Variants in CSMD1 observed in about 807,000 individuals in gnomAD.
CSMD1 encodes the protein CUB and sushi domain-containing protein 1.
Under a neutral mutation model 417.5 loss-of-function variants are expected in CSMD1, and 213 were observed. The observed-to-expected ratio is 0.51, with a 90% confidence interval of 0.46 to 0.57. The LOEUF (loss-of-function observed/expected upper bound fraction) is 0.57, where lower values mean the gene tolerates loss of function less well. Ranked by LOEUF, CSMD1 falls within the 20% of genes least tolerant of loss-of-function variation. The pLI is 0.00. For synonymous variants in CSMD1, 2,862 were observed against 1,736.8 expected, an observed-to-expected ratio of 1.65 and a Z score of -16.11; for missense variants, 6,923 against 4,529.7, an observed-to-expected ratio of 1.53 and a Z score of -15.17.
At position 3,199,768 on chromosome 8, in the gene CSMD1, G is replaced by A. The variant is rs1181602554; in HGVS notation, c.5140C>T (p.Arg1714Ter). ...PLATSNQILLRFSAKSGASAR... is the reference protein window; with the variant it reads ...PLATSNQILL The stretch of plus-strand genomic sequence containing the variant: ...GAGGCACCGCTCTTTGCACTGAATC[G>A]GAGCAGAATTTGATTTGACGTAGCC... The change falls in exon 33 of 70, where the codon CGA (arginine) becomes TGA (stop). Residue 1714 changes from arginine (R) to a stop codon, truncating the protein, a stop_gained. Coordinates refer to ENST00000635120, the MANE Select transcript of CSMD1 (RefSeq NM_033225.6). LOFTEE classifies it high-confidence loss of function. 4 of 1,586,292 alleles carry A rather than the reference G, an allele frequency of 2.5e-6. No individual in the cohort carries two copies. The highest frequency in any genetic ancestry group is 3.4e-6 in the Non-Finnish European group (4 of 1,165,796).
chr8:3,291,949 C>T (rs1208323636), intron 25 of CSMD1, among the ~76,000 whole-genome samples: 1 of 151,818 alleles, frequency 6.6e-6, no homozygotes, highest in African/African-American at 2.4e-5. Flanking sequence ...TTCCTGCTTT[C>T]TCTTGTGGGC....
chr8:4,716,747 CTG>C (rs1311687432), intron 1 of CSMD1, among the ~76,000 whole-genome samples: 1 of 152,218 alleles, frequency 6.6e-6, no homozygotes, highest in African/African-American at 2.4e-5. Flanking sequence ...TAACTAAAAA[CTG>C]AGGTCTAAAT....
intron 25 of CSMD1, among the ~76,000 whole-genome samples, chr8:3,301,007 A>C (rs1233647362): frequency 6.6e-5 from 10 of 151,544 alleles, no homozygotes; most frequent in Admixed American, 1.3e-4. Context: ...GAAATGGTAT[A>C]AACAAGCAAC....
chr8:3,159,266 G>A (rs975401330), intron 38 of CSMD1, among the ~76,000 whole-genome samples: 8 of 152,084 alleles, frequency 5.3e-5, no homozygotes, highest in African/African-American at 1.4e-4. Flanking sequence ...TGTTATAAAC[G>A]TTTCCGATGA....
Position 3,409,509 on chromosome 8 carries a change from C to T in CSMD1, c.1658G>A (p.Cys553Tyr). The stretch of plus-strand genomic sequence containing the variant: ...CCCCACCAGCTCAAAGGCCGCCGGG[C>T]ATTCAAAGGTGAGTGTATCTCCATG... ...FLHGDTLTFE[C>Y]PAAFELVGER... The change falls in exon 13 of 70, where the codon TGC becomes TAC. Residue 553 changes from cysteine (C) to tyrosine (Y), a missense_variant. Coordinates refer to ENST00000635120, the MANE Select transcript of CSMD1 (RefSeq NM_033225.6). 6.2e-7 allele frequency: 1 copy of T among 1,611,172 alleles called. No homozygotes were observed. The highest frequency in any genetic ancestry group is 8.5e-7 in the Non-Finnish European group (1 of 1,178,798).
chr8:3,489,610 A>G (rs184002220), intron 11 of CSMD1, among the ~76,000 whole-genome samples: 2 of 152,328 alleles, frequency 1.3e-5, no homozygotes, highest in East Asian at 3.9e-4. Context: ...TTCTATAAAT[A>G]TGACCCAAGT....
At chr8:4,308,298 T>A (rs150382415) in intron 3 of CSMD1, among the ~76,000 whole-genome samples, 23 of 151,928 alleles carry the variant, frequency 1.5e-4, no homozygotes, top group Non-Finnish European at 7.4e-5. Flanking sequence ...TGTGTGAAGT[T>A]TGAAGTGTAT....
At chr8:3,502,804 C>T (rs1378152618) in intron 10 of CSMD1, among the ~76,000 whole-genome samples, 2 of 152,040 alleles carry the variant, frequency 1.3e-5, no homozygotes, top group African/African-American at 4.8e-5. Flanking sequence ...ATACAGTTGC[C>T]CAAATCCACA....
intron 1 of CSMD1, among the ~76,000 whole-genome samples, chr8:4,933,480 G>T (rs1282297250): frequency 6.6e-6 from 1 of 152,192 alleles, no homozygotes; most frequent in Non-Finnish European, 1.5e-5. Context: ...AGAACTGTCA[G>T]TGCAGAAGGT....
chr8:4,614,756 G>A (rs1375130300), intron 2 of CSMD1, among the ~76,000 whole-genome samples: 2 of 152,182 alleles, frequency 1.3e-5, no homozygotes, highest in South Asian at 2.1e-4. Flanking sequence ...ACTGTCACCT[G>A]AGATAATAAT....
Position 3,698,394 on chromosome 8 carries a change from G to C in CSMD1, c.1009+10020C>G, listed in dbSNP as rs192713691. Reference sequence around the variant, plus strand: ...TTATGATGGAGCAAACTAGATTAGAGCAATTCTCCTTCTTGTTTTATTAAG... The same window carrying C: ...TTATGATGGAGCAAACTAGATTAGACCAATTCTCCTTCTTGTTTTATTAAG... On this transcript the variant is annotated intron_variant, in intron 7 of 69. Transcript: ENST00000635120. Among the ~76,000 whole-genome samples, 384 of 152,286 alleles carry C rather than the reference G, an allele frequency of 2.5e-3. 1 individual carries two copies. The highest frequency in any genetic ancestry group is 8.9e-3 in the African/African-American group (368 of 41,558).
intron 49 of CSMD1, among the ~76,000 whole-genome samples, chr8:3,069,944 C>A (rs543942411): frequency 2.0e-5 from 3 of 152,194 alleles, no homozygotes; most frequent in Non-Finnish European, 1.5e-5. Context: ...TTGCATTCTG[C>A]GCACCTACAG....
chr8:4,050,724 G>A (rs1344378327), intron 3 of CSMD1, among the ~76,000 whole-genome samples: 2 of 152,006 alleles, frequency 1.3e-5, no homozygotes, highest in East Asian at 1.9e-4. Context: ...TATTTAGTGA[G>A]TAAATGAATT....
chr8:3,793,051 G>A (rs553991479), intron 5 of CSMD1, among the ~76,000 whole-genome samples: 1 of 152,144 alleles, frequency 6.6e-6, no homozygotes, highest in African/African-American at 2.4e-5. Context: ...GCTAAGAATG[G>A]AGTAAAACAC....
At chr8:4,323,492 G>T (rs59433138) in intron 3 of CSMD1, among the ~76,000 whole-genome samples, 1 of 151,688 alleles carries the variant, frequency 6.6e-6, no homozygotes, top group South Asian at 2.1e-4. Context: ...GGCTTTCTCT[G>T]AAACCTGTTA....
chr8:3,829,128 A>C (rs910188152), intron 5 of CSMD1, among the ~76,000 whole-genome samples: 3 of 151,740 alleles, frequency 2.0e-5, no homozygotes, highest in South Asian at 4.2e-4. Context: ...TGCACCCATC[A>C]CCCAAGCAGT....
intron 3 of CSMD1, among the ~76,000 whole-genome samples, chr8:4,311,584 G>T (rs544619916): frequency 2.6e-5 from 4 of 151,976 alleles, no homozygotes; most frequent in Admixed American, 2.6e-4. Context: ...TGAGCCAGGT[G>T]TGGTTGTGGG....
chr8:4,104,359 C>G (rs17069009), intron 3 of CSMD1, among the ~76,000 whole-genome samples: 43,398 of 152,146 alleles, frequency 0.29, 6,557 homozygotes, highest in South Asian at 0.37. Flanking sequence ...AGACTGCACA[C>G]TGTGAAAAAA....
chr8:4,726,680 T>A (rs1299349705), intron 1 of CSMD1, among the ~76,000 whole-genome samples: 1 of 152,216 alleles, frequency 6.6e-6, no homozygotes, highest in African/African-American at 2.4e-5. Context: ...TCTGCTGCTG[T>A]CCTATTTCAT....
Sources: allele counts gnomAD v4.1 joint callset (sites outside exome capture counted in the v4.1 genomes callset), GRCh38; gene constraint gnomAD v4.1.1; transcripts MANE v1.5; gene names NCBI Gene and HGNC (gene_info 2026-07-23, HGNC 2026-07-21).